The following SIL1 variants were observed in gnomAD, a reference collection of about 807,000 sequenced individuals.
SIL1 encodes the protein nucleotide exchange factor SIL1.
SIL1 carries 40 observed loss-of-function variants against 49.1 expected under a neutral mutation model. The observed-to-expected ratio is 0.81, with a 90% CI of 0.63 to 1.06. The LOEUF (loss-of-function observed/expected upper bound fraction) is 1.06, where lower values mean the gene tolerates loss of function less well. SIL1 is among the 50% of genes least tolerant of loss of function. The pLI is 0.00. For synonymous variants in SIL1, 253 were observed against 250.8 expected (o/e 1.01, Z -0.08); for missense variants, 500 against 572.6 (o/e 0.87, Z 1.29).
At chr5:139,113,245 A>C (rs954770656) in intron 3 of SIL1, among the ~76,000 whole-genome samples, 7 of 151,936 alleles carry the variant, frequency 4.6e-5, no homozygotes, top group African/African-American at 1.7e-4. Flanking sequence ...CTATTGTCCT[A>C]TGACCCTGCC....
At chr5:138,996,372 A>AT (rs977223236) in intron 7 of SIL1, among the ~76,000 whole-genome samples, 23 of 150,540 alleles carry the variant, frequency 1.5e-4, no homozygotes, top group Non-Finnish European at 2.2e-4. Flanking sequence ...TTTTAATCAG[A>AT]TTTTTTTTTG....
intron 1 of SIL1, among the ~76,000 whole-genome samples, chr5:139,183,044 C>T (rs1045739401): frequency 2.0e-5 from 3 of 152,198 alleles, no homozygotes; most frequent in Admixed American, 2.0e-4. Context: ...ATGAATTTCA[C>T]ATGCCTGAGG....
intron 1 of SIL1, among the ~76,000 whole-genome samples, chr5:139,185,205 G>A (rs2151821220): frequency 6.6e-6 from 1 of 152,284 alleles, no homozygotes; most frequent in Middle Eastern, 3.4e-3. Context: ...CAGTCTGCAT[G>A]AGTGTCAGGG....
intron 7 of SIL1, among the ~76,000 whole-genome samples, chr5:138,952,676 A>G (rs1357780429): frequency 6.6e-6 from 1 of 152,242 alleles, no homozygotes; most frequent in Admixed American, 6.5e-5. Flanking sequence ...ATACTGCACT[A>G]AAGTACTCAA....
chr5:139,054,100 AT>A (rs1769352009), intron 3 of SIL1, among the ~76,000 whole-genome samples: 1 of 152,084 alleles, frequency 6.6e-6, no homozygotes. Context: ...GAGCAACACA[AT>A]GAGATCCCAT....
intron 2 of SIL1, among the ~76,000 whole-genome samples, chr5:139,125,400 C>G (rs1364982123): frequency 6.6e-6 from 1 of 152,220 alleles, no homozygotes; most frequent in Non-Finnish European, 1.5e-5. Context: ...ATAAGAGATT[C>G]TTAAAAACCA....
chr5:139,135,249 G>A (rs991260571), intron 1 of SIL1, among the ~76,000 whole-genome samples: 3 of 152,142 alleles, frequency 2.0e-5, no homozygotes, highest in African/African-American at 7.2e-5. Flanking sequence ...GTGGCCATTT[G>A]TACAATGGGG....
At chr5:139,183,131 A>T (rs191964151) in intron 1 of SIL1, among the ~76,000 whole-genome samples, 1 of 152,170 alleles carries the variant, frequency 6.6e-6, no homozygotes, top group Non-Finnish European at 1.5e-5. Flanking sequence ...GTAAGGTCCT[A>T]AGTCATCAGC....
At chr5:139,187,117 C>T (rs1752089232) in intron 1 of SIL1, among the ~76,000 whole-genome samples, 1 of 152,194 alleles carries the variant, frequency 6.6e-6, no homozygotes, top group Non-Finnish European at 1.5e-5. Context: ...AGACAAACAT[C>T]ATACCATAAT....
chr5:139,109,774 C>G (rs1770802020), intron 3 of SIL1, among the ~76,000 whole-genome samples: 1 of 146,236 alleles, frequency 6.8e-6, no homozygotes, highest in South Asian at 2.2e-4. Flanking sequence ...CCTATTTCCC[C>G]TCTGTCTTTT....
intron 3 of SIL1, 138 bp from the exon 4 acceptor site, chr5:139,051,184 T>C: frequency 4.1e-6 from 3 of 736,570 alleles, no homozygotes; most frequent in Admixed American, 2.0e-5. Flanking sequence ...AATCCACCCA[T>C]CCCTCTCCCT....
chr5:139,095,913 A>G (rs750913883), intron 3 of SIL1, among the ~76,000 whole-genome samples: 1 of 152,222 alleles, frequency 6.6e-6, no homozygotes, highest in African/African-American at 2.4e-5. Flanking sequence ...AGAAGGCTCC[A>G]TCAATTGTCC....
intron 7 of SIL1, among the ~76,000 whole-genome samples, chr5:138,990,368 G>A (rs1314007675): frequency 6.6e-6 from 1 of 152,172 alleles, no homozygotes; most frequent in Non-Finnish European, 1.5e-5. Context: ...GAATCTAAAT[G>A]ACCAGATAAC....
intron 3 of SIL1, among the ~76,000 whole-genome samples, chr5:139,071,169 C>T (rs1252351771): frequency 8.3e-6 from 1 of 119,966 alleles, no homozygotes; most frequent in Non-Finnish European, 1.6e-5. Flanking sequence ...ATGGCCTGAG[C>T]TCTTCAACAG....
chr5:138,968,134 G>A (rs1056181904), intron 7 of SIL1, among the ~76,000 whole-genome samples: 1 of 152,146 alleles, frequency 6.6e-6, no homozygotes, highest in African/African-American at 2.4e-5. Flanking sequence ...AGGTGGGGCA[G>A]GTGAATGAGG....
chr5:138,970,809 G>A (rs890541128), intron 7 of SIL1, among the ~76,000 whole-genome samples: 95 of 152,258 alleles, frequency 6.2e-4, no homozygotes, highest in African/African-American at 2.2e-3. Context: ...GGCTGAGGCA[G>A]GAGAATAGCT....
chr5:139,041,205 T>G (rs1412841490), intron 5 of SIL1, among the ~76,000 whole-genome samples: 9 of 152,258 alleles, frequency 5.9e-5, no homozygotes, highest in African/African-American at 2.2e-4. Flanking sequence ...AGCATTGCCT[T>G]CCTTCACCCA....
intron 1 of SIL1, among the ~76,000 whole-genome samples, chr5:139,141,230 C>A (rs1303034581): frequency 2.0e-5 from 3 of 152,042 alleles, no homozygotes; most frequent in Non-Finnish European, 2.9e-5. Context: ...CTTTTCCTGG[C>A]ACTCAAAAAA....
intron 3 of SIL1, among the ~76,000 whole-genome samples, chr5:139,089,454 C>T (rs149264406): frequency 2.6e-5 from 4 of 152,306 alleles, no homozygotes; most frequent in Non-Finnish European, 5.9e-5. Flanking sequence ...ACTTCTTACC[C>T]ACCCTCTCTC....
Sources: allele counts gnomAD v4.1 joint callset (sites outside exome capture counted in the v4.1 genomes callset), GRCh38; gene constraint gnomAD v4.1.1; transcripts MANE v1.5; gene names NCBI Gene and HGNC (gene_info 2026-07-23, HGNC 2026-07-21).